OPCML: variants seen among roughly 807,000 people sequenced by gnomAD.
OPCML encodes opioid binding protein/cell adhesion molecule like.
OPCML carries 13 observed loss-of-function variants against 37.8 expected under a neutral mutation model. The ratio of observed to expected loss-of-function variants is 0.34; its 90% confidence interval spans 0.22 to 0.55. OPCML has a LOEUF of 0.55. OPCML is among the 20% of genes least tolerant of loss of function. The pLI is 0.91. For synonymous variants in OPCML, 176 were observed against 168.8 expected (o/e 1.04, Z -0.33); for missense variants, 341 against 435.6 (o/e 0.78, Z 1.93).
At chr11:132,840,885 G>A (rs1941258609) in intron 2 of OPCML, among the ~76,000 whole-genome samples, 1 of 152,128 alleles carries the variant, frequency 6.6e-6, no homozygotes, top group African/African-American at 2.4e-5. Flanking sequence ...AGGGAAGAAC[G>A]TAGTGAGAGG....
intron 1 of OPCML, among the ~76,000 whole-genome samples, chr11:133,493,607 CTT>C (rs1304989541): frequency 1.3e-4 from 19 of 151,952 alleles, no homozygotes; most frequent in Admixed American, 1.2e-3. Context: ...TTATACATCT[CTT>C]TGTCTCCATT....
At chr11:132,436,301 C>A in intron 6 of OPCML, 64 bp from the exon 7 acceptor site, 1 of 1,610,992 alleles carries the variant, frequency 6.2e-7, no homozygotes, top group East Asian at 2.2e-5. Flanking sequence ...TCACCAAACT[C>A]TTTTCTCCAA....
In OPCML at chr11:133,532,439, G is replaced by GGAGGGAGAGAGCAGAA. The variant is rs1948625375; in HGVS notation, c.-131_-116dup. On this transcript the variant is annotated 5_prime_UTR_variant, in exon 1 of 8. Transcript: ENST00000524381. ...AGGTTTAAATCCAATGTTTGCAAAG[G>GGAGGGAGAGAGCAGAA]GAGGGAGAGAGCAGAAGAGAGAGAG... The GGAGGGAGAGAGCAGAA allele has an allele frequency of 3.9e-6, 5 of 1,295,080 alleles. No homozygotes were observed. Among genetic ancestry groups the GGAGGGAGAGAGCAGAA allele is most frequent in the South Asian group, 2.5e-5 (2 of 78,926 alleles). 80.2% of individuals were successfully genotyped at this position (1,295,080 alleles called of 1,614,324 possible).
chr11:132,588,450 C>T (rs2096477764), intron 3 of OPCML, among the ~76,000 whole-genome samples: 1 of 152,152 alleles, frequency 6.6e-6, no homozygotes, highest in Non-Finnish European at 1.5e-5. Context: ...TGTATTACTA[C>T]AGCAATGGAT....
At chr11:133,337,060 G>T (rs1354003856) in intron 1 of OPCML, among the ~76,000 whole-genome samples, 2 of 152,172 alleles carry the variant, frequency 1.3e-5, no homozygotes, top group Non-Finnish European at 2.9e-5. Flanking sequence ...TATCTTAGAG[G>T]CAAAAGAGAA....
chr11:133,446,296 T>C (rs1282417662), intron 1 of OPCML, among the ~76,000 whole-genome samples: 1 of 152,212 alleles, frequency 6.6e-6, no homozygotes. Context: ...TGCATCCGTG[T>C]TTTCTGTTGG....
chr11:133,095,289 T>G (rs1429216644), intron 1 of OPCML, among the ~76,000 whole-genome samples: 4 of 144,884 alleles, frequency 2.8e-5, no homozygotes, highest in African/African-American at 5.2e-5. Flanking sequence ...TTTTTTTTTT[T>G]TTTTTTTTTT....
At chr11:133,063,565 T>C (rs1201713581) in intron 1 of OPCML, among the ~76,000 whole-genome samples, 1 of 122,372 alleles carries the variant, frequency 8.2e-6, no homozygotes, top group East Asian at 2.1e-4. Flanking sequence ...TACAGAGCTG[T>C]TGGTTTTTTT....
chr11:133,483,671 AGAT>A (rs1415410201), intron 1 of OPCML, among the ~76,000 whole-genome samples: 1 of 139,902 alleles, frequency 7.1e-6, no homozygotes, highest in East Asian at 2.1e-4. Context: ...TTAGATAAAT[AGAT>A]GATAGATAGA....
intron 1 of OPCML, among the ~76,000 whole-genome samples, chr11:133,393,205 C>A (rs1221295262): frequency 6.6e-6 from 1 of 152,112 alleles, no homozygotes; most frequent in Non-Finnish European, 1.5e-5. Flanking sequence ...AGTTACAGTG[C>A]CACTGCGTGT....
intron 1 of OPCML, among the ~76,000 whole-genome samples, chr11:133,505,416 G>A (rs1355039190): frequency 1.3e-5 from 2 of 152,142 alleles, no homozygotes; most frequent in Admixed American, 6.5e-5. Flanking sequence ...CTGTTCTGAC[G>A]GCTGAGTCTG....
chr11:133,129,517 T>A (rs1949571624), intron 1 of OPCML, among the ~76,000 whole-genome samples: 1 of 152,120 alleles, frequency 6.6e-6, no homozygotes, highest in African/African-American at 2.4e-5. Flanking sequence ...AGGACAAAGG[T>A]CAATAATACT....
chr11:132,538,532 C>T (rs2096346910), intron 3 of OPCML, among the ~76,000 whole-genome samples: 1 of 152,096 alleles, frequency 6.6e-6, no homozygotes, highest in South Asian at 2.1e-4. Flanking sequence ...GAACTGTTCT[C>T]TTAATAAAGG....
intron 3 of OPCML, among the ~76,000 whole-genome samples, chr11:132,536,815 G>A (rs2096342004): frequency 6.6e-6 from 1 of 152,162 alleles, no homozygotes; most frequent in Admixed American, 6.5e-5. Context: ...TTTGCAAAAA[G>A]CACTGCATGA....
At chr11:133,042,546 G>C (rs776943090) in intron 1 of OPCML, among the ~76,000 whole-genome samples, 30 of 152,130 alleles carry the variant, frequency 2.0e-4, no homozygotes, top group Non-Finnish European at 3.7e-4. Flanking sequence ...TCTCCCAATA[G>C]GCTAGTTGGG....
intron 2 of OPCML, among the ~76,000 whole-genome samples, chr11:132,694,662 G>A (rs767087267): frequency 6.6e-6 from 1 of 152,186 alleles, no homozygotes; most frequent in African/African-American, 2.4e-5. Flanking sequence ...CCTCAGAGCT[G>A]TTGAAGGTGG....
intron 1 of OPCML, among the ~76,000 whole-genome samples, chr11:133,052,964 C>T (rs1403329289): frequency 6.6e-6 from 1 of 152,204 alleles, no homozygotes; most frequent in Non-Finnish European, 1.5e-5. Context: ...TTAAACCTCC[C>T]TCACTTTTTC....
intron 2 of OPCML, among the ~76,000 whole-genome samples, chr11:132,926,892 AAAG>A (rs1157043848): frequency 1.3e-5 from 2 of 152,144 alleles, no homozygotes; most frequent in Non-Finnish European, 2.9e-5. Context: ...AATAATAGAA[AAAG>A]AATAAGAAAA....
intron 1 of OPCML, among the ~76,000 whole-genome samples, chr11:133,110,111 T>G (rs1361162535): frequency 6.6e-6 from 1 of 152,198 alleles, no homozygotes; most frequent in African/African-American, 2.4e-5. Context: ...CTATAAAGCA[T>G]ATTTCAATCC....
Sources: gnomAD v4.1 joint callset for allele counts (sites outside exome capture counted in the v4.1 genomes callset) on GRCh38, gnomAD v4.1.1 for gene constraint, MANE v1.5 for transcripts, NCBI Gene and HGNC (gene_info 2026-07-23, HGNC 2026-07-21) for gene names.